Variants in ADAM32 observed in about 807,000 individuals in gnomAD.
ADAM32 encodes the protein ADAM metallopeptidase domain 32.
In ADAM32, 89 loss-of-function variants were observed where a neutral mutation model predicts 114.9. The observed-to-expected ratio is 0.77, with a 90% CI of 0.65 to 0.92. ADAM32 has a LOEUF of 0.92. ADAM32 is among the 40% of genes least tolerant of loss of function. ADAM32 has a pLI of 0.00. For missense variants in ADAM32, 870 were observed against 932.8 expected, an observed-to-expected ratio of 0.93 and a Z score of 0.88; for synonymous variants, 285 against 307.5, an observed-to-expected ratio of 0.93 and a Z score of 0.77.
Position 39,254,493 on chromosome 8 carries a change from C to T in ADAM32, c.1982C>T (p.Ser661Phe). The change falls in exon 18 of 25, where the codon TCC (serine) becomes TTC (phenylalanine). Residue 661 changes from serine to phenylalanine, a missense_variant. Ser to Phe is a radical substitution (Grantham distance 155). Transcript: ENST00000379907. The part of the protein sequence containing the change: ...PNCQIRSKGF[S>F]IFPEEDMGSI... ...TGCCAAATACGTTCCAAAGGATTTT[C>T]CATATTTCCTGAGGAAGATATGGGC... is the stretch of plus-strand genomic sequence containing the variant. 6.3e-7 allele frequency: 1 copy of T among 1,588,620 alleles called. No homozygotes were observed. The highest frequency in any genetic ancestry group is 8.6e-7 in the Non-Finnish European group (1 of 1,166,272).
At chr8:39,257,077 C>T (rs1322392827) in intron 18 of ADAM32, 110 bp from the exon 19 acceptor site, 3 of 1,109,000 alleles carry the variant, frequency 2.7e-6, no homozygotes, top group Non-Finnish European at 3.7e-6. Context: ...TTCCATGTTC[C>T]TTGAATAACA....
intron 10 of ADAM32, among the ~76,000 whole-genome samples, chr8:39,180,887 G>C (rs987887443): frequency 1.3e-5 from 2 of 152,188 alleles, no homozygotes; most frequent in Non-Finnish European, 2.9e-5. Flanking sequence ...GTTTGTGAGT[G>C]CACCAATCGA....
rs750182100 is a variant in ADAM32 at position 39,136,683 on chromosome 8, A to G, written c.165A>G (p.Ile55Met). ...EYEQISYIIP[I>M]DEKLYTVHLK... ...AACAAATATCCTATATTATTCCAAT[A>G]GATGAGAAACTGTACACTGTGCACC... The change falls in exon 3 of 25, where the codon ATA becomes ATG. Residue 55 changes from isoleucine to methionine, a missense_variant. Ile to Met is a conservative substitution (Grantham distance 10). Transcript: ENST00000379907. 12 of 1,544,768 alleles carry G rather than the reference A, an allele frequency of 7.8e-6. 1 individual carries two copies. In the South Asian group the frequency reaches 1.5e-4, roughly 19 times the overall value.
rs180717015 is a variant in ADAM32 at position 39,222,551 on chromosome 8, C to G, written c.1327-489C>G. 2.3e-3 allele frequency among the ~76,000 whole-genome samples: 347 copies of G among 152,142 alleles called. 1 individual carries two copies. The highest frequency in any genetic ancestry group is 2.9e-3 in the Non-Finnish European group (198 of 67,912). On this transcript the variant is annotated intron_variant, in intron 13 of 24. Coordinates refer to ENST00000379907, the MANE Select transcript of ADAM32 (RefSeq NM_145004.7). ...TTGAGAGAAAGATTCTAGTTGTGTT[C>G]CTTCCTCTCCAAAGACTCTCATAGT... is the stretch of plus-strand genomic sequence containing the variant.
chr8:39,145,039 A>G (rs1301567863), intron 3 of ADAM32, among the ~76,000 whole-genome samples: 1 of 152,070 alleles, frequency 6.6e-6, no homozygotes, highest in Non-Finnish European at 1.5e-5. Context: ...TTTTCCAAAA[A>G]TGAAATCAAG....
At chr8:39,207,713 C>G (rs1807940458) in intron 11 of ADAM32, among the ~76,000 whole-genome samples, 1 of 152,214 alleles carries the variant, frequency 6.6e-6, no homozygotes, top group Admixed American at 6.5e-5. Flanking sequence ...TCCTCTCTCT[C>G]TTTCCCTCAC....
chr8:39,232,281 C>CA, intron 15 of ADAM32, 146 bp downstream of exon 15: 1 of 563,336 alleles, frequency 1.8e-6, no homozygotes, highest in Non-Finnish European at 3.0e-6. Context: ...CCAGCCCTGA[C>CA]ACCTCTTTTG....
intron 11 of ADAM32, 101 bp downstream of exon 11, chr8:39,187,146 G>A: frequency 1.4e-5 from 15 of 1,054,890 alleles, no homozygotes; most frequent in South Asian, 1.0e-4. Flanking sequence ...AGCTATCAAT[G>A]GACCAAATTC....
At chr8:39,208,063 ATT>A (rs937736047) in intron 11 of ADAM32, among the ~76,000 whole-genome samples, 1 of 151,162 alleles carries the variant, frequency 6.6e-6, no homozygotes, top group South Asian at 2.1e-4. Context: ...TGACATTCTG[ATT>A]TTTTTTTACA....
chr8:39,171,769 T>C (rs544178327), intron 10 of ADAM32, among the ~76,000 whole-genome samples: 28 of 151,660 alleles, frequency 1.8e-4, no homozygotes, highest in Admixed American at 1.8e-3. Context: ...TTTGATATGT[T>C]GAGTCCACTC....
intron 10 of ADAM32, among the ~76,000 whole-genome samples, chr8:39,178,847 C>A (rs1261519803): frequency 6.6e-6 from 1 of 152,162 alleles, no homozygotes; most frequent in Non-Finnish European, 1.5e-5. Flanking sequence ...CTCTCCCACA[C>A]CTGGAGGTAT....
chr8:39,155,025 A>G (rs1320325447), intron 6 of ADAM32, among the ~76,000 whole-genome samples: 1 of 151,858 alleles, frequency 6.6e-6, no homozygotes, highest in Non-Finnish European at 1.5e-5. Flanking sequence ...AAAATTCAAC[A>G]CTCCTTCATG....
At chr8:39,282,862 A>T (rs1406982146) in intron 23 of ADAM32, among the ~76,000 whole-genome samples, 1 of 152,330 alleles carries the variant, frequency 6.6e-6, no homozygotes, top group African/African-American at 2.4e-5. Context: ...ATAACTAATT[A>T]TATTAAATAA....
intron 17 of ADAM32, among the ~76,000 whole-genome samples, chr8:39,248,530 A>G (rs1409806629): frequency 1.3e-5 from 2 of 152,144 alleles, no homozygotes; most frequent in Non-Finnish European, 2.9e-5. Context: ...GCTTTTGTGC[A>G]TTAACCTTGT....
intron 10 of ADAM32, among the ~76,000 whole-genome samples, chr8:39,184,661 G>A (rs2129447067): frequency 6.6e-6 from 1 of 152,296 alleles, no homozygotes; most frequent in Non-Finnish European, 1.5e-5. Context: ...TGGGGGAATA[G>A]TCAGTTTCAT....
intron 19 of ADAM32, among the ~76,000 whole-genome samples, chr8:39,266,904 T>C (rs1812396922): frequency 6.6e-6 from 1 of 152,216 alleles, no homozygotes; most frequent in Admixed American, 6.5e-5. Flanking sequence ...CATTTCTGGA[T>C]GCTTTCAGGG....
At chr8:39,266,504 C>G (rs907152829) in intron 19 of ADAM32, among the ~76,000 whole-genome samples, 1 of 152,020 alleles carries the variant, frequency 6.6e-6, no homozygotes, top group Non-Finnish European at 1.5e-5. Flanking sequence ...TTTCTCATTC[C>G]CAGAAGTTCA....
chr8:39,256,166 G>A (rs769526623), intron 18 of ADAM32, among the ~76,000 whole-genome samples: 3 of 151,710 alleles, frequency 2.0e-5, no homozygotes, highest in Non-Finnish European at 3.0e-5. Flanking sequence ...GAATGTGCCC[G>A]ATCTTGTCTT....
At chr8:39,225,586 G>A (rs1181349958) in intron 14 of ADAM32, among the ~76,000 whole-genome samples, 1 of 152,156 alleles carries the variant, frequency 6.6e-6, no homozygotes, top group Non-Finnish European at 1.5e-5. Context: ...GAGGGCCCCA[G>A]GATCTTTCAC....
Sources: allele counts gnomAD v4.1 joint callset (sites outside exome capture counted in the v4.1 genomes callset), GRCh38; gene constraint gnomAD v4.1.1; transcripts MANE v1.5; gene names NCBI Gene and HGNC (gene_info 2026-07-23, HGNC 2026-07-21).